The following TRDMT1 variants were observed in gnomAD, a reference collection of about 807,000 sequenced individuals.
TRDMT1 encodes tRNA aspartic acid methyltransferase 1.
Under a neutral mutation model 51.2 loss-of-function variants are expected in TRDMT1, and 49 were observed. That is an observed-to-expected ratio of 0.96 (90% CI 0.76 to 1.21). The LOEUF is 1.21. Ranked by LOEUF, TRDMT1 falls within the 50% of genes most tolerant of loss-of-function variation. TRDMT1 has a pLI of 0.00. For missense variants in TRDMT1, 534 were observed against 462.3 expected (o/e 1.16, Z -1.42); for synonymous variants, 187 against 164.6 (o/e 1.14, Z -1.04).
Position 17,148,253 on chromosome 10 carries a change from T to C in TRDMT1, c.*787A>G, listed in dbSNP as rs1838292008. 1.0e-6 allele frequency: 1 copy of C among 985,438 alleles called. No homozygotes were observed. The highest frequency in any genetic ancestry group is 1.2e-6 in the Non-Finnish European group (1 of 829,938). 61.0% of individuals were successfully genotyped at this position (985,438 alleles called of 1,614,324 possible). A position where few individuals can be genotyped will look rare whatever the true frequency, so the allele number is the denominator to read the frequency against. On this transcript the variant is annotated 3_prime_UTR_variant, in exon 11 of 11. Coordinates refer to ENST00000377799, the MANE Select transcript of TRDMT1 (RefSeq NM_004412.7). ...ATATGACATGGGATCAGAGGGCAGC[T>C]TCCTCCCTGAAATCTTAACGTCATG...
intron 1 of TRDMT1, among the ~76,000 whole-genome samples, chr10:17,196,650 T>C (rs1228232287): frequency 6.6e-6 from 1 of 152,198 alleles, no homozygotes; most frequent in Non-Finnish European, 1.5e-5. Context: ...GTAATAGACA[T>C]TGTTATACTG....
At chr10:17,153,374 T>C in intron 10 of TRDMT1, 133 bp downstream of exon 10, 1 of 1,051,096 alleles carries the variant, frequency 9.5e-7, no homozygotes, top group African/African-American at 1.6e-5. Flanking sequence ...AAAGATGCCA[T>C]AAATGGCATG....
At chr10:17,153,856 G>T (rs2131386537) in intron 9 of TRDMT1, among the ~76,000 whole-genome samples, 1 of 152,214 alleles carries the variant, frequency 6.6e-6, no homozygotes, top group South Asian at 2.1e-4. Flanking sequence ...AACAGATCAG[G>T]ATATTTTTCA....
intron 3 of TRDMT1, among the ~76,000 whole-genome samples, chr10:17,165,309 C>A (rs1424540477): frequency 1.3e-5 from 2 of 152,214 alleles, no homozygotes; most frequent in Non-Finnish European, 2.9e-5. Flanking sequence ...GCAAAACTGG[C>A]TAGCCATATG....
intron 1 of TRDMT1, among the ~76,000 whole-genome samples, chr10:17,192,167 C>T (rs553203306): frequency 3.5e-4 from 53 of 152,166 alleles, no homozygotes; most frequent in African/African-American, 1.2e-3. Context: ...TAAATATAGT[C>T]TGAAGGTAAA....
At chr10:17,158,513 A>T (rs1839871269) in intron 7 of TRDMT1, among the ~76,000 whole-genome samples, 1 of 152,152 alleles carries the variant, frequency 6.6e-6, no homozygotes. Context: ...ATCCCTTATT[A>T]GTAGACATGA....
At position 17,147,760 on chromosome 10, in the gene TRDMT1, T is replaced by C. The variant is rs1463017152; in HGVS notation, c.*1280A>G. ...TCTACCTTTTGGCTACTGTAAATAA[T>C]GGTGTTATAAACGCTGGTGTACAAA... On this transcript the variant is annotated 3_prime_UTR_variant, in exon 11 of 11. Coordinates refer to ENST00000377799, the MANE Select transcript of TRDMT1 (RefSeq NM_004412.7). The C allele has an allele frequency of 6.3e-6, 1 of 159,144 alleles. No individual in the cohort carries two copies. The highest frequency in any genetic ancestry group is 1.3e-5 in the Non-Finnish European group (1 of 74,382). 9.9% of individuals were successfully genotyped at this position (159,144 alleles called of 1,614,324 possible).
At chr10:17,155,621 T>C (rs1839391712) in intron 8 of TRDMT1, among the ~76,000 whole-genome samples, 1 of 152,194 alleles carries the variant, frequency 6.6e-6, no homozygotes, top group Non-Finnish European at 1.5e-5. Context: ...ATAGAAAGTA[T>C]AAAACACTTC....
chr10:17,152,372 T>G (rs1041260058), intron 10 of TRDMT1, among the ~76,000 whole-genome samples: 1 of 152,178 alleles, frequency 6.6e-6, no homozygotes, highest in Admixed American at 6.5e-5. Flanking sequence ...TCAAATTATA[T>G]TGGCAGTTTG....
intron 2 of TRDMT1, among the ~76,000 whole-genome samples, chr10:17,172,677 G>C (rs1214992013): frequency 6.6e-6 from 1 of 152,012 alleles, no homozygotes; most frequent in African/African-American, 2.4e-5. Context: ...TAAAACACAA[G>C]GATAAAAAGT....
intron 1 of TRDMT1, among the ~76,000 whole-genome samples, chr10:17,191,896 GC>G: frequency 6.6e-6 from 1 of 152,234 alleles, no homozygotes; most frequent in African/African-American, 2.4e-5. Context: ...CAGAGTGCAT[GC>G]CCACAGCCTG....
At chr10:17,179,440 G>A (rs774400471) in intron 1 of TRDMT1, among the ~76,000 whole-genome samples, 9 of 151,950 alleles carry the variant, frequency 5.9e-5, no homozygotes, top group Non-Finnish European at 8.8e-5. Context: ...GGTAACGAAC[G>A]CCTAGGATAC....
chr10:17,195,042 G>A (rs1261577636), intron 1 of TRDMT1, among the ~76,000 whole-genome samples: 4 of 151,152 alleles, frequency 2.6e-5, no homozygotes, highest in African/African-American at 9.7e-5. Flanking sequence ...TTCAGCCATG[G>A]TGGAAAGCAG....
chr10:17,159,795 C>G (rs146842725), intron 6 of TRDMT1, among the ~76,000 whole-genome samples: 1 of 152,044 alleles, frequency 6.6e-6, no homozygotes, highest in Non-Finnish European at 1.5e-5. Context: ...TAACAAAAAG[C>G]TGACAGCAAC....
intron 1 of TRDMT1, among the ~76,000 whole-genome samples, chr10:17,194,691 G>A (rs921671863): frequency 2.6e-5 from 4 of 152,128 alleles, no homozygotes; most frequent in Admixed American, 2.0e-4. Flanking sequence ...CCAGCACTTT[G>A]GGAGAACGAG....
chr10:17,159,750 T>C (rs1840048074), intron 6 of TRDMT1, among the ~76,000 whole-genome samples: 1 of 152,144 alleles, frequency 6.6e-6, no homozygotes, highest in South Asian at 2.1e-4. Flanking sequence ...AACAATATAA[T>C]ATGGCTAAAG....
Position 17,157,444 on chromosome 10 carries a change from T to C in TRDMT1, c.884A>G (p.Lys295Arg). ...TCAATAGATCTTTAAAACCTACCCT[T>C]TGGTAAAGCACACGGACCTTCTACA... ...PTCRRSVCFT[K>R]GYGSYIEGTG... Residue 295 changes from lysine (K) to arginine (R), a missense_variant, in exon 8 of 11, where the codon AAA (lysine) becomes AGA (arginine). Physicochemically the swap from Lys to Arg is conservative, Grantham distance 26 (BLOSUM62 2). Coordinates refer to ENST00000377799, the MANE Select transcript of TRDMT1 (RefSeq NM_004412.7). The C allele has an allele frequency of 6.3e-7, 1 of 1,594,486 alleles. No individual in the cohort carries two copies. Among genetic ancestry groups the C allele is most frequent in the Non-Finnish European group, 8.6e-7 (1 of 1,167,156 alleles).
chr10:17,173,061 A>G (rs1842225932), intron 2 of TRDMT1, among the ~76,000 whole-genome samples: 1 of 152,202 alleles, frequency 6.6e-6, no homozygotes, highest in African/African-American at 2.4e-5. Context: ...CTTTAAAAAG[A>G]CATTAGTGAA....
chr10:17,201,584 G>A lies in TRDMT1; in HGVS notation c.51C>T (p.His17=), dbSNP rs1306336815. The A allele has an allele frequency of 6.5e-7, 1 of 1,549,598 alleles. No individual in the cohort carries two copies. Among genetic ancestry groups the A allele is most frequent in the South Asian group, 1.2e-5 (1 of 83,880 alleles). ...ATGGACTCTCACCTCTCAGCGCGTG[G>A]TGCATGCCGCCCACGCCGCTGTATA... ...LELYSGVGGM[H]HALRESCIPA... is the part of the protein sequence containing the mutation. Residue 17 remains histidine, a synonymous_variant, in exon 1 of 11, where the codon CAC becomes CAT. Transcript: ENST00000377799.
Sources: allele counts gnomAD v4.1 joint callset (sites outside exome capture counted in the v4.1 genomes callset), GRCh38; gene constraint gnomAD v4.1.1; transcripts MANE v1.5; gene names NCBI Gene and HGNC (gene_info 2026-07-23, HGNC 2026-07-21).